The following MYO7B variants were observed in gnomAD, a reference collection of about 807,000 sequenced individuals.
The protein encoded by MYO7B is myosin VIIB.
A neutral mutation model predicts 259.7 loss-of-function variants in MYO7B; 212 were observed. The ratio of observed to expected loss-of-function variants is 0.82; its 90% CI spans 0.73 to 0.91. The LOEUF (loss-of-function observed/expected upper bound fraction) is 0.91, where lower values mean the gene tolerates loss of function less well. Among genes scored for constraint, MYO7B ranks in the 40% least tolerant of loss-of-function variants. The pLI is 0.00. For synonymous variants in MYO7B, 1,197 were observed against 1,166.4 expected, an observed-to-expected ratio of 1.03 and a Z score of -0.54; for missense variants, 2,732 against 2,813.5, an observed-to-expected ratio of 0.97 and a Z score of 0.66.
intron 31 of MYO7B, 113 bp from the exon 32 acceptor site, chr2:127,626,860 CTG>C (rs1681153769): frequency 1.0e-6 from 1 of 959,954 alleles, no homozygotes. Context: ...TCTCCAGACA[CTG>C]GCCTTGTAGA....
Position 127,634,308 on chromosome 2 carries a change from G to T in MYO7B, c.5625+19G>T. The T allele has an allele frequency of 6.5e-7, 1 of 1,534,822 alleles. No homozygotes were observed. On this transcript the variant is annotated intron_variant, in intron 41 of 47. Transcript: ENST00000409816. ...AGACAAGGTGGGCCGGGCTGGGGCT[G>T]GGCAGACGGTGGGCGGACGGGCAGT...
chr2:127,635,382 C>G (rs1681746804), intron 43 of MYO7B, 156 bp downstream of exon 43: 1 of 705,178 alleles, frequency 1.4e-6, no homozygotes, highest in South Asian at 1.8e-5. Flanking sequence ...GGCTCTGGAA[C>G]CAGGAGCAGA....
At chr2:127,579,143 G>A (rs573792019) in intron 9 of MYO7B, among the ~76,000 whole-genome samples, 2 of 152,288 alleles carry the variant, frequency 1.3e-5, no homozygotes, top group East Asian at 1.9e-4. Context: ...GGCGGGAGAT[G>A]TCAGAGAGAA....
At chr2:127,536,905 C>T (rs933505951) in intron 1 of MYO7B, among the ~76,000 whole-genome samples, 1 of 152,240 alleles carries the variant, frequency 6.6e-6, no homozygotes, top group East Asian at 1.9e-4. Context: ...CCCCAGGCGG[C>T]TGTCTTGGGG....
At chr2:127,622,443 G>A (rs192162280) in intron 28 of MYO7B, among the ~76,000 whole-genome samples, 2 of 152,334 alleles carry the variant, frequency 1.3e-5, no homozygotes, top group East Asian at 3.9e-4. Context: ...TCACACCATG[G>A]TTGGCATCCT....
intron 31 of MYO7B, chr2:127,626,133 C>T (rs999224018): frequency 6.6e-6 from 1 of 152,252 alleles, no homozygotes; most frequent in African/African-American, 2.4e-5. Flanking sequence ...GGACACAGCA[C>T]AGTGGTGCTG....
chr2:127,630,521 G>A (rs1046232615), intron 35 of MYO7B, among the ~76,000 whole-genome samples: 6 of 152,160 alleles, frequency 3.9e-5, no homozygotes, highest in South Asian at 2.1e-4. Flanking sequence ...CCAGAGTGCC[G>A]TGGCCCCCAG....
At chr2:127,560,370 C>T (rs989610619) in intron 2 of MYO7B, among the ~76,000 whole-genome samples, 2 of 152,164 alleles carry the variant, frequency 1.3e-5, no homozygotes, top group East Asian at 1.9e-4. Context: ...GGAGCTCCCC[C>T]AGAGAAAACA....
Position 127,609,083 on chromosome 2 carries a change from G to A in MYO7B, c.2814+205G>A, listed in dbSNP as rs1250794436. Among the ~76,000 whole-genome samples the A allele has an allele frequency of 1.3e-5, 2 of 152,202 alleles. No individual in the cohort carries two copies. The highest frequency in any genetic ancestry group is 2.9e-5 in the Non-Finnish European group (2 of 68,036). ...TTCGAGTCAGGCAGGCTTCCCACCT[G>A]CAAGACTTCCTGGAGCCTTCTCTAC... is the stretch of plus-strand genomic sequence containing the variant. On this transcript the variant is annotated intron_variant, in intron 22 of 47. Transcript: ENST00000409816. The surrounding 1 kb of genome is among the most constrained non-coding windows in gnomAD (Gnocchi z 6.9).
chr2:127,635,822 C>T lies in MYO7B; in HGVS notation c.5921C>T (p.Ser1974Phe). The T allele has an allele frequency of 1.3e-6, 2 of 1,587,662 alleles. No homozygotes were observed. Among genetic ancestry groups the T allele is most frequent in the Non-Finnish European group, 1.7e-6 (2 of 1,167,462 alleles). The change falls in exon 44 of 48, where the codon TCC (serine) becomes TTC (phenylalanine). Residue 1974 changes from serine to phenylalanine, a missense_variant. Coordinates refer to ENST00000409816, the MANE Select transcript of MYO7B (RefSeq NM_001393586.1). ...IYKAQFNNDR[S>F]QLASVPKILR... ...AAGGCCCAGTTCAACAACGACCGGT[C>T]CCAGCTGGCTAGTGTCCCCAAGATC...
intron 9 of MYO7B, among the ~76,000 whole-genome samples, 166 bp from the exon 10 acceptor site, chr2:127,580,580 G>A (rs1032391668): frequency 2.0e-5 from 3 of 152,240 alleles, no homozygotes; most frequent in African/African-American, 7.2e-5. Context: ...TGGTCATGGG[G>A]CCGTTGGCTC....
At chr2:127,589,333 G>A (rs1037911038) in intron 15 of MYO7B, among the ~76,000 whole-genome samples, 6 of 150,156 alleles carry the variant, frequency 4.0e-5, no homozygotes, top group African/African-American at 1.5e-4. Flanking sequence ...CTGTGTGGAT[G>A]GGTGAGTGGA....
chr2:127,603,365 C>A (rs967340560), intron 19 of MYO7B, among the ~76,000 whole-genome samples: 6 of 152,200 alleles, frequency 3.9e-5, no homozygotes, highest in African/African-American at 1.2e-4. Context: ...TAAGACTTGA[C>A]AGTCTGAATT....
chr2:127,629,956 G>A, intron 35 of MYO7B, 130 bp downstream of exon 35: 1 of 984,964 alleles, frequency 1.0e-6, no homozygotes, highest in South Asian at 2.9e-5. Flanking sequence ...GGGCCACCCG[G>A]GCAGCCCCCA....
Position 127,621,873 on chromosome 2 carries a change from A to G in MYO7B, c.3526-109A>G, listed in dbSNP as rs1680854478. The G allele has an allele frequency of 1.7e-5, 25 of 1,483,272 alleles. No individual in the cohort carries two copies. The South Asian group carries it at 3.1e-4, about 18-fold the overall frequency. The allele number at this position is 1,483,272 out of a possible 1,614,324, so 91.9% of individuals were successfully genotyped here. A position where few individuals can be genotyped will look rare whatever the true frequency, so the allele number is the denominator to read the frequency against. ...CTAACGGGTGTGAGGGTGCCCCTCA[A>G]TGCACATTATACACTGAGTATTATA... On this transcript the variant is annotated intron_variant, in intron 27 of 47. Coordinates refer to ENST00000409816, the MANE Select transcript of MYO7B (RefSeq NM_001393586.1).
chr2:127,632,394 G>A lies in MYO7B; in HGVS notation c.5398G>A (p.Val1800Ile). The A allele has an allele frequency of 3.9e-6, 6 of 1,553,718 alleles. No individual in the cohort carries two copies. The highest frequency in any genetic ancestry group is 5.2e-6 in the Non-Finnish European group (6 of 1,149,012). Residue 1800 changes from valine to isoleucine, a missense_variant, in exon 39 of 48, where the codon GTC becomes ATC. Physicochemically the swap from Val to Ile is conservative, Grantham distance 29 (BLOSUM62 3). This residue lies in a region of MYO7B where 821 missense variants were observed against 769.3 expected (regional missense o/e 1.07). Transcript: ENST00000409816. ...APDCSRRIQK[V>I]LRTGPRKQPP... ...CGACTGCAGCCGCCGAATCCAGAAGGTCCTGAGGTGAGCCCAGTGCCTCCA... is the reference window on the plus strand; with the variant it reads ...CGACTGCAGCCGCCGAATCCAGAAGATCCTGAGGTGAGCCCAGTGCCTCCA...
Position 127,590,310 on chromosome 2 carries a change from G to T in MYO7B, c.1992+81G>T. 1 of 1,585,676 alleles carries T rather than the reference G, an allele frequency of 6.3e-7. No homozygotes were observed. Among genetic ancestry groups the T allele is most frequent in the Non-Finnish European group, 8.6e-7 (1 of 1,161,044 alleles). ...CTCTAGGGTTGTGGTCACTCCCTCT[G>T]CCAGGGCCTGGCTAGCGTTAGAGCT... On this transcript the variant is annotated intron_variant, in intron 16 of 47. Coordinates refer to ENST00000409816, the MANE Select transcript of MYO7B (RefSeq NM_001393586.1). This position sits in a 1 kb window ranked among gnomAD's most constrained non-coding sequence, Gnocchi z 4.6.
At chr2:127,629,889 G>T in intron 35 of MYO7B, 63 bp downstream of exon 35, 1 of 1,452,524 alleles carries the variant, frequency 6.9e-7, no homozygotes, top group Non-Finnish European at 9.1e-7. Flanking sequence ...GCAGTCCTGG[G>T]ATGCCTAGTT....
At position 127,628,466 on chromosome 2, in the gene MYO7B, G is replaced by A. The variant is rs1428392162; in HGVS notation, c.4555G>A (p.Ala1519Thr). Residue 1519 changes from alanine to threonine, a missense_variant, in exon 34 of 48, where the codon GCC (alanine) becomes ACC (threonine). Physicochemically the swap from Ala to Thr is moderately conservative, Grantham distance 58 (BLOSUM62 0). Coordinates refer to ENST00000409816, the MANE Select transcript of MYO7B (RefSeq NM_001393586.1). The surrounding 1 kb of genome is among the most constrained non-coding windows in gnomAD (Gnocchi z 4.8). ...CAGTGTGGCCATCGCTGAGCTGGTG[G>A]CCCTGTTCCTGGAGGGCCTGAAGGA... ...PSSVAIAELV[A>T]LFLEGLKERS... 11 of 1,571,766 alleles carry A rather than the reference G, an allele frequency of 7.0e-6. No homozygotes were observed. Among genetic ancestry groups the A allele is most frequent in the Non-Finnish European group, 9.5e-6 (11 of 1,159,630 alleles).
Sources: allele counts gnomAD v4.1 joint callset (sites outside exome capture counted in the v4.1 genomes callset), GRCh38; gene constraint gnomAD v4.1.1; regional missense constraint gnomAD v4.1.1; non-coding constraint Gnocchi (gnomAD v3.1); transcripts MANE v1.5; gene names NCBI Gene and HGNC (gene_info 2026-07-23, HGNC 2026-07-21).